Variants in FNIP2 observed in about 807,000 individuals in gnomAD.
The protein encoded by FNIP2 is folliculin interacting protein 2.
In FNIP2, 32 loss-of-function variants were observed where a neutral mutation model predicts 108.7. The ratio of observed to expected loss-of-function variants is 0.29; its 90% CI spans 0.22 to 0.40. FNIP2 has a LOEUF of 0.40. Ranked by LOEUF, FNIP2 falls within the 10% of genes least tolerant of loss-of-function variation. The probability of loss-of-function intolerance (pLI) is 1.00; values close to 1 mark genes in which losing one functional copy is unlikely to be tolerated. For missense variants in FNIP2, 1,202 were observed against 1,381.6 expected (o/e 0.87, Z 2.06); for synonymous variants, 480 against 496.7 (o/e 0.97, Z 0.45).
At chr4:158,901,265 T>C (rs1403806102) in intron 16 of FNIP2, among the ~76,000 whole-genome samples, 1 of 151,752 alleles carries the variant, frequency 6.6e-6, no homozygotes, top group Non-Finnish European at 1.5e-5. Flanking sequence ...CCAGAGTAGC[T>C]GGGATTACAG....
chr4:158,838,153 G>A (rs907165611), intron 7 of FNIP2, among the ~76,000 whole-genome samples: 5 of 151,874 alleles, frequency 3.3e-5, no homozygotes, highest in African/African-American at 1.2e-4. Context: ...AGCTCCAAGT[G>A]TGAGAGTTAA....
chr4:158,838,641 C>A (rs886926535), intron 7 of FNIP2, among the ~76,000 whole-genome samples: 2 of 152,152 alleles, frequency 1.3e-5, no homozygotes, highest in African/African-American at 2.4e-5. Context: ...TACAAGAGTT[C>A]CCATATAACC....
At chr4:158,770,044 C>A (rs1775643970) in intron 1 of FNIP2, among the ~76,000 whole-genome samples, 1 of 152,146 alleles carries the variant, frequency 6.6e-6, no homozygotes, top group African/African-American at 2.4e-5. Flanking sequence ...GTTTACTTTT[C>A]TGACAATGCG....
chr4:158,884,997 A>T (rs1578979911), intron 14 of FNIP2, among the ~76,000 whole-genome samples: 1 of 151,242 alleles, frequency 6.6e-6, no homozygotes. Context: ...AAAAAAAAAA[A>T]ATACAAAAAT....
rs900777574 is a variant in FNIP2, at chr4:158,825,922, A to G, written c.114A>G (p.Ser38=). ...APKEGPAFSW[S]CSEFDLNEIR... ...TGCCCTTTTTAATCCACAGTTGGTC[A>G]TGTTCGGAGTTTGACCTGAATGAGA... Residue 38 remains serine (S), a synonymous_variant, in exon 2 of 17, where the codon TCA becomes TCG. Transcript: ENST00000264433. 1.9e-6 allele frequency: 3 copies of G among 1,606,212 alleles called. No homozygotes were observed. The highest frequency in any genetic ancestry group is 1.7e-5 in the Admixed American group (1 of 59,834).
intron 1 of FNIP2, among the ~76,000 whole-genome samples, chr4:158,821,144 A>G (rs1356466491): frequency 1.3e-5 from 2 of 152,220 alleles, no homozygotes; most frequent in South Asian, 2.1e-4. Flanking sequence ...AAATCCTGGC[A>G]TCATGGAATT....
In FNIP2 at chr4:158,868,917, C is replaced by T; in HGVS notation, c.2281C>T (p.Pro761Ser). Residue 761 changes from proline (P) to serine (S), a missense_variant, in exon 13 of 17, where the codon CCG (proline) becomes TCG (serine). By Grantham distance (74) the Pro-to-Ser change is moderately conservative. Coordinates refer to ENST00000264433, the MANE Select transcript of FNIP2 (RefSeq NM_020840.3). This position sits in a 1 kb window ranked among gnomAD's most constrained non-coding sequence, Gnocchi z 4.6. ...TGAGGCTGCTGATGTGGCTCAGGAC[C>T]CGCAGGTTTCTAGGAGCCCTTTTAA... ...ASEAADVAQDPQVSRSPFKPG... is the reference protein window; with the variant it reads ...ASEAADVAQDSQVSRSPFKPG... The T allele has an allele frequency of 1.2e-6, 2 of 1,613,958 alleles. No homozygotes were observed. The highest frequency in any genetic ancestry group is 2.7e-5 in the African/African-American group (2 of 75,046).
At chr4:158,876,227 G>C (rs1025223235) in intron 14 of FNIP2, among the ~76,000 whole-genome samples, 1 of 152,110 alleles carries the variant, frequency 6.6e-6, no homozygotes, top group Non-Finnish European at 1.5e-5. Context: ...TTCCCAAATG[G>C]CATCCCTGTG....
At chr4:158,829,745 TA>T (rs1350047152) in intron 3 of FNIP2, among the ~76,000 whole-genome samples, 7 of 151,546 alleles carry the variant, frequency 4.6e-5, no homozygotes, top group South Asian at 2.1e-4. Flanking sequence ...TGTATAAGGA[TA>T]GGGGTTAAGG....
chr4:158,798,315 C>T (rs1447345290), intron 1 of FNIP2, among the ~76,000 whole-genome samples: 1 of 152,156 alleles, frequency 6.6e-6, no homozygotes, highest in Non-Finnish European at 1.5e-5. Context: ...CCTCCCACCT[C>T]GGCCTCCCAA....
intron 3 of FNIP2, 67 bp downstream of exon 3, chr4:158,829,292 G>A (rs955975964): frequency 7.2e-7 from 1 of 1,392,334 alleles, no homozygotes; most frequent in South Asian, 1.5e-5. Context: ...TTCTCCTTGG[G>A]AAATAATGCC....
chr4:158,840,756 T>G (rs528687329), intron 7 of FNIP2, among the ~76,000 whole-genome samples: 1 of 152,308 alleles, frequency 6.6e-6, no homozygotes, highest in East Asian at 1.9e-4. Flanking sequence ...GGGCTGGGAT[T>G]GAGACCAGTG....
rs141931162 is a variant in FNIP2, at chr4:158,862,132, A to G, written c.1465+356A>G. ...GTGGGAAGAGCTCTCTTACGCATTA[A>G]TGGATATTGAGTGGCATCCTTGGCC... On this transcript the variant is annotated intron_variant, in intron 12 of 16. Coordinates refer to ENST00000264433, the MANE Select transcript of FNIP2 (RefSeq NM_020840.3). Among the ~76,000 whole-genome samples, 287 of 152,236 alleles carry G rather than the reference A, an allele frequency of 1.9e-3. 1 individual carries two copies. The highest frequency in any genetic ancestry group is 3.3e-3 in the South Asian group (16 of 4,820).
intron 16 of FNIP2, among the ~76,000 whole-genome samples, chr4:158,899,094 A>C (rs1193108386): frequency 6.6e-6 from 1 of 152,126 alleles, no homozygotes; most frequent in African/African-American, 2.4e-5. Flanking sequence ...GCATCTATTG[A>C]GATGAGATAA....
rs191624185 is a variant in FNIP2 at position 158,869,171 on chromosome 4, G to A, written c.2535G>A (p.Ala845=). 14,242 of 1,614,024 alleles carry A rather than the reference G, an allele frequency of 8.8e-3. 86 individuals are homozygous for A. The highest frequency in any genetic ancestry group is 0.011 in the Non-Finnish European group (13,224 of 1,179,904). The change falls in exon 13 of 17, where the codon GCG becomes GCA. Residue 845 remains alanine, a synonymous_variant. Transcript: ENST00000264433. ...EATRGLYVKA[A]EGPVLEPVAP... is the part of the protein sequence containing the mutation. ...CTAGAGGTTTGTATGTGAAGGCTGC[G>A]GAAGGACCTGTGCTGGAGCCTGTTG...
intron 1 of FNIP2, among the ~76,000 whole-genome samples, chr4:158,773,171 A>C (rs1256093387): frequency 2.0e-5 from 3 of 152,178 alleles, no homozygotes; most frequent in Non-Finnish European, 4.4e-5. Flanking sequence ...ATGACATATA[A>C]ATAGCAGTTT....
intron 16 of FNIP2, 26 bp from the exon 17 acceptor site, chr4:158,904,440 T>C (rs759043528): frequency 1.4e-5 from 22 of 1,565,922 alleles, no homozygotes; most frequent in Non-Finnish European, 1.9e-5. Context: ...TTTAAAGTAA[T>C]ATTCTTTTCT....
intron 15 of FNIP2, among the ~76,000 whole-genome samples, chr4:158,894,813 A>G (rs1030630700): frequency 4.6e-5 from 7 of 152,188 alleles, no homozygotes; most frequent in East Asian, 3.8e-4. Context: ...GACACAATGT[A>G]TTTAAGATTT....
In FNIP2 at chr4:158,905,230, T is replaced by C. The variant is rs1054888389; in HGVS notation, c.*686T>C. On this transcript the variant is annotated 3_prime_UTR_variant, in exon 17 of 17. Coordinates refer to ENST00000264433, the MANE Select transcript of FNIP2 (RefSeq NM_020840.3). ...CCATGGGTAGGTCAGAGATGGATTG[T>C]TGGTGCAATAAACCCAAGAATCAAT... is the stretch of plus-strand genomic sequence containing the variant. The C allele has an allele frequency of 1.3e-5, 2 of 152,300 alleles. No homozygotes were observed. The highest frequency in any genetic ancestry group is 2.4e-5 in the African/African-American group (1 of 41,458). 9.4% of individuals were successfully genotyped at this position (152,300 alleles called of 1,614,324 possible).
Sources: gnomAD v4.1 joint callset for allele counts (sites outside exome capture counted in the v4.1 genomes callset) on GRCh38, gnomAD v4.1.1 for gene constraint, Gnocchi (gnomAD v3.1) non-coding constraint, MANE v1.5 for transcripts, NCBI Gene and HGNC (gene_info 2026-07-23, HGNC 2026-07-21) for gene names.